GALNT13: variants seen among roughly 807,000 people sequenced by gnomAD.
The protein encoded by GALNT13 is polypeptide N-acetylgalactosaminyltransferase 13, also known as UDP-GalNAc:polypeptide N-acetylgalactosaminyltransferase 13.
Under a neutral mutation model 64.2 loss-of-function variants are expected in GALNT13, and 28 were observed. The observed-to-expected ratio is 0.44, with a 90% CI of 0.32 to 0.60. GALNT13 has a LOEUF of 0.60. Among genes scored for constraint, GALNT13 ranks in the 20% least tolerant of loss-of-function variants. The probability of loss-of-function intolerance (pLI) is 0.05; values close to 1 mark genes in which losing one functional copy is unlikely to be tolerated. For synonymous variants in GALNT13, 214 were observed against 224.6 expected, an observed-to-expected ratio of 0.95 and a Z score of 0.42; for missense variants, 577 against 669.8, an observed-to-expected ratio of 0.86 and a Z score of 1.53.
At chr2:153,485,849 G>A in the GALNT13 span, among the ~76,000 whole-genome samples, 1 of 152,206 alleles carries the variant, frequency 6.6e-6, no homozygotes, top group Non-Finnish European at 1.5e-5. Flanking sequence ...GCAGTGAGCT[G>A]TGATCGTGCC....
intron 11 of GALNT13, among the ~76,000 whole-genome samples, chr2:154,424,728 C>A (rs996352872): frequency 7.2e-5 from 11 of 152,176 alleles, no homozygotes; most frequent in Admixed American, 2.0e-4. Flanking sequence ...TCTAGTTATC[C>A]ACAGTGTAAC....
intron 2 of GALNT13, among the ~76,000 whole-genome samples, chr2:153,931,184 T>A (rs1284144487): frequency 6.6e-6 from 1 of 150,890 alleles, no homozygotes; most frequent in Non-Finnish European, 1.5e-5. Flanking sequence ...CTGATTTTTG[T>A]ACATTGATTT....
At chr2:153,073,038 T>C in the GALNT13 span, among the ~76,000 whole-genome samples, 1 of 152,164 alleles carries the variant, frequency 6.6e-6, no homozygotes, top group Non-Finnish European at 1.5e-5. Flanking sequence ...CGAGGCACGA[T>C]GCTAAGTGCT....
At chr2:153,591,680 C>T in the GALNT13 span, among the ~76,000 whole-genome samples, 26 of 152,056 alleles carry the variant, frequency 1.7e-4, no homozygotes, top group South Asian at 5.2e-3. Context: ...CAAAAATCAA[C>T]ACAATATGGA....
the GALNT13 span, among the ~76,000 whole-genome samples, chr2:153,313,532 CTG>C: frequency 6.6e-6 from 1 of 151,242 alleles, no homozygotes; most frequent in Admixed American, 6.6e-5. Flanking sequence ...ACAAGAGACA[CTG>C]GGGCCTATCA....
the GALNT13 span, among the ~76,000 whole-genome samples, chr2:153,254,454 G>A: frequency 6.6e-6 from 1 of 152,120 alleles, no homozygotes; most frequent in East Asian, 1.9e-4. Flanking sequence ...AGGGTTTTTT[G>A]TGTCTCTATT....
the GALNT13 span, among the ~76,000 whole-genome samples, chr2:153,403,643 C>A: frequency 6.6e-6 from 1 of 152,192 alleles, no homozygotes; most frequent in Non-Finnish European, 1.5e-5. Context: ...CGCCGTTTTT[C>A]AAGCCGGTCG....
At chr2:153,556,533 T>C in the GALNT13 span, among the ~76,000 whole-genome samples, 2 of 152,224 alleles carry the variant, frequency 1.3e-5, no homozygotes, top group African/African-American at 4.8e-5. Context: ...CACAATTTGC[T>C]GGCTTCATCT....
At chr2:153,132,978 C>T in the GALNT13 span, among the ~76,000 whole-genome samples, 1 of 151,912 alleles carries the variant, frequency 6.6e-6, no homozygotes, top group African/African-American at 2.4e-5. Flanking sequence ...CTGCCGTGGC[C>T]TCCCAAAGTG....
At chr2:153,865,036 C>A in the GALNT13 span, among the ~76,000 whole-genome samples, 1 of 149,272 alleles carries the variant, frequency 6.7e-6, no homozygotes, top group South Asian at 2.1e-4. Flanking sequence ...CTTTGACAAA[C>A]CTGAGAAAAA....
the GALNT13 span, among the ~76,000 whole-genome samples, chr2:153,084,734 C>A: frequency 4.3e-4 from 65 of 152,212 alleles, no homozygotes; most frequent in Non-Finnish European, 7.9e-4. Context: ...GCCTCCCCAG[C>A]CATGCTGAGC....
the GALNT13 span, among the ~76,000 whole-genome samples, chr2:153,432,849 T>G: frequency 6.6e-6 from 1 of 152,178 alleles, no homozygotes; most frequent in Non-Finnish European, 1.5e-5. Context: ...ACTTACCTCT[T>G]AAAGATAATA....
intron 4 of GALNT13, among the ~76,000 whole-genome samples, chr2:154,148,846 G>C (rs1422522824): frequency 6.6e-6 from 1 of 152,086 alleles, no homozygotes; most frequent in Non-Finnish European, 1.5e-5. Context: ...CAGATGAGTA[G>C]GTTGTGAAAA....
At chr2:153,073,471 T>C in the GALNT13 span, among the ~76,000 whole-genome samples, 2 of 151,802 alleles carry the variant, frequency 1.3e-5, no homozygotes, top group African/African-American at 4.8e-5. Context: ...TTCTTTAACT[T>C]GTTAAAATGC....
chr2:153,478,793 C>T, the GALNT13 span: 3 of 467,790 alleles, frequency 6.4e-6, no homozygotes, highest in African/African-American at 2.0e-5. Context: ...TGGTGGTGCT[C>T]GTTCCCGGCG....
intron 8 of GALNT13, among the ~76,000 whole-genome samples, chr2:154,298,379 CATAAAT>C (rs1693054677): frequency 8.5e-6 from 1 of 118,052 alleles, no homozygotes; most frequent in Admixed American, 9.5e-5. Flanking sequence ...CACTAAATTA[CATAAAT>C]ATAATTTATA....
chr2:153,533,392 C>T, the GALNT13 span, among the ~76,000 whole-genome samples: 3 of 152,000 alleles, frequency 2.0e-5, no homozygotes, highest in Non-Finnish European at 4.4e-5. Flanking sequence ...GCTGGGATTA[C>T]AGGCAACTGC....
the GALNT13 span, among the ~76,000 whole-genome samples, chr2:153,379,662 CT>C: frequency 6.6e-6 from 1 of 152,120 alleles, no homozygotes; most frequent in African/African-American, 2.4e-5. Context: ...TATTATTTAA[CT>C]GTGTTTAATA....
At chr2:153,288,293 A>G in the GALNT13 span, among the ~76,000 whole-genome samples, 5 of 152,240 alleles carry the variant, frequency 3.3e-5, no homozygotes, top group Admixed American at 1.3e-4. Context: ...ACACACATAT[A>G]TGGATATATG....
Sources: gnomAD v4.1 joint callset for allele counts (sites outside exome capture counted in the v4.1 genomes callset) on GRCh38, gnomAD v4.1.1 for gene constraint, MANE v1.5 for transcripts, NCBI Gene and HGNC (gene_info 2026-07-23, HGNC 2026-07-21) for gene names.